Variants in PPFIA2 observed in about 807,000 individuals in gnomAD.
The protein encoded by PPFIA2 is PPFI scaffold protein A2.
PPFIA2 carries 46 observed loss-of-function variants against 175.5 expected under a neutral mutation model. The ratio of observed to expected loss-of-function variants is 0.26; its 90% CI spans 0.21 to 0.34. PPFIA2 has a LOEUF of 0.34. Ranked by LOEUF, PPFIA2 falls within the 10% of genes least tolerant of loss-of-function variation. The probability of loss-of-function intolerance (pLI) is 1.00; values close to 1 mark genes in which losing one functional copy is unlikely to be tolerated. For synonymous variants in PPFIA2, 568 were observed against 511.4 expected, an observed-to-expected ratio of 1.11 and a Z score of -1.49; for missense variants, 1,179 against 1,506.1, an observed-to-expected ratio of 0.78 and a Z score of 3.60.
intron 13 of PPFIA2, among the ~76,000 whole-genome samples, 189 bp from the exon 14 acceptor site, chr12:81,367,359 A>C (rs1432188652): frequency 6.6e-6 from 1 of 151,694 alleles, no homozygotes; most frequent in Admixed American, 6.6e-5. Flanking sequence ...TAAAAAATAC[A>C]TAATTTAAAT....
At chr12:81,634,289 C>G (rs1321343443) in intron 4 of PPFIA2, among the ~76,000 whole-genome samples, 1 of 151,902 alleles carries the variant, frequency 6.6e-6, no homozygotes, top group Non-Finnish European at 1.5e-5. Context: ...CATTCTTTCT[C>G]GAAATGTTCC....
chr12:81,654,612 A>G lies in PPFIA2; in HGVS notation c.303+22179T>C, dbSNP rs538833312. 2.0e-5 allele frequency among the ~76,000 whole-genome samples: 3 copies of G among 152,174 alleles called. No homozygotes were observed. In the East Asian group the frequency reaches 5.8e-4, roughly 29 times the overall value. Reference sequence around the variant, plus strand: ...ATTCTGTGTATTGCTTCATTTAATTAACTAATTATAAAATAAACATGAGCT... The same window carrying G: ...ATTCTGTGTATTGCTTCATTTAATTGACTAATTATAAAATAAACATGAGCT... On this transcript the variant is annotated intron_variant, in intron 4 of 32. Transcript: ENST00000549396.
intron 3 of PPFIA2, among the ~76,000 whole-genome samples, chr12:81,722,574 G>A (rs931956026): frequency 1.3e-5 from 2 of 150,988 alleles, no homozygotes; most frequent in African/African-American, 4.8e-5. Context: ...AGGAGAGATA[G>A]GAGATAGGAA....
At chr12:81,442,211 G>A (rs1190099431) in intron 6 of PPFIA2, among the ~76,000 whole-genome samples, 1 of 151,854 alleles carries the variant, frequency 6.6e-6, no homozygotes, top group Non-Finnish European at 1.5e-5. Context: ...AGATTATGTT[G>A]TCCACGAAGT....
chr12:81,347,405 A>G (rs183495630), intron 18 of PPFIA2, 128 bp downstream of exon 18: 247 of 843,072 alleles, frequency 2.9e-4, no homozygotes, highest in Non-Finnish European at 1.6e-4. Flanking sequence ...GATGTTGTGA[A>G]TAAGAAAATA....
intron 4 of PPFIA2, among the ~76,000 whole-genome samples, chr12:81,632,852 G>A (rs1028951518): frequency 6.6e-6 from 1 of 152,078 alleles, no homozygotes; most frequent in Non-Finnish European, 1.5e-5. Flanking sequence ...ACTCTGAGCT[G>A]CTGTACTCTT....
In PPFIA2 at chr12:81,384,123, G is replaced by T. The variant is rs750441871; in HGVS notation, c.884C>A (p.Ser295Tyr). The change falls in exon 9 of 33, where the codon TCT becomes TAT. Residue 295 changes from serine to tyrosine, a missense_variant. By Grantham distance (144) the Ser-to-Tyr change is moderately radical. This residue lies in a region of PPFIA2 where 226 missense variants were observed against 216.6 expected (regional missense o/e 1.04). Coordinates refer to ENST00000549396, the MANE Select transcript of PPFIA2 (RefSeq NM_003625.5). ...AQMKERLAAL[S>Y]SRVGEVEQEA... ...CTGTTCCACCTCTCCCACTCGGGAAGAAAGGGCTGCTAAACGTTCTTTCAT... is the reference window on the plus strand; with the variant it reads ...CTGTTCCACCTCTCCCACTCGGGAATAAAGGGCTGCTAAACGTTCTTTCAT... 1.9e-6 allele frequency: 3 copies of T among 1,613,076 alleles called. No individual in the cohort carries two copies. The highest frequency in any genetic ancestry group is 1.7e-6 in the Non-Finnish European group (2 of 1,179,494).
chr12:81,591,747 C>T (rs1705548785), intron 4 of PPFIA2, among the ~76,000 whole-genome samples: 1 of 152,132 alleles, frequency 6.6e-6, no homozygotes, highest in Non-Finnish European at 1.5e-5. Flanking sequence ...AGGTTTGGGA[C>T]CTTCTGCCTA....
chr12:81,284,143 AC>A, intron 25 of PPFIA2, 97 bp downstream of exon 25: 3 of 909,804 alleles, frequency 3.3e-6, no homozygotes, highest in Non-Finnish European at 5.2e-6. Flanking sequence ...ATAAAAACAC[AC>A]CCTATTACTC....
chr12:81,502,852 C>A (rs904413846), intron 4 of PPFIA2, among the ~76,000 whole-genome samples: 8 of 152,078 alleles, frequency 5.3e-5, no homozygotes, highest in African/African-American at 1.7e-4. Flanking sequence ...TAAATAATAT[C>A]TAAGATCTAG....
chr12:81,713,166 G>C (rs2078168372), intron 3 of PPFIA2, among the ~76,000 whole-genome samples: 1 of 150,960 alleles, frequency 6.6e-6, no homozygotes, highest in African/African-American at 2.4e-5. Context: ...TAATAATACA[G>C]CTTTTTTGGG....
intron 4 of PPFIA2, among the ~76,000 whole-genome samples, chr12:81,647,072 G>T (rs2153526433): frequency 6.6e-6 from 1 of 151,628 alleles, no homozygotes; most frequent in Non-Finnish European, 1.5e-5. Context: ...AAAAGGGGGG[G>T]GGAGCGTGTA....
At chr12:81,633,754 C>T (rs1436047062) in intron 4 of PPFIA2, among the ~76,000 whole-genome samples, 1 of 151,876 alleles carries the variant, frequency 6.6e-6, no homozygotes, top group Non-Finnish European at 1.5e-5. Context: ...GAATATTAGA[C>T]AAGATAGGAG....
At chr12:81,605,363 AAG>A (rs769860686) in intron 4 of PPFIA2, among the ~76,000 whole-genome samples, 2 of 151,680 alleles carry the variant, frequency 1.3e-5, no homozygotes, top group African/African-American at 2.4e-5. Flanking sequence ...ATAGTGGTGA[AAG>A]AGAGAGACAG....
At chr12:81,526,363 T>C (rs1024262886) in intron 4 of PPFIA2, among the ~76,000 whole-genome samples, 1 of 152,164 alleles carries the variant, frequency 6.6e-6, no homozygotes, top group African/African-American at 2.4e-5. Flanking sequence ...ATGGAAATAA[T>C]ATCATGAACT....
At position 81,440,060 on chromosome 12, in the gene PPFIA2, CA is replaced by C. The variant is rs774502319; in HGVS notation, c.571-15del. ...TCGCTCCCTTACCTAGAAGAAAAAT[CA>C]AAATATGTGCAGTAATGTACATCCC... On this transcript the variant is annotated splice_polypyrimidine_tract_variant and intron_variant, in intron 6 of 32. Transcript: ENST00000549396. 1.3e-6 allele frequency: 2 copies of C among 1,582,140 alleles called. No homozygotes were observed. The highest frequency in any genetic ancestry group is 1.7e-6 in the Non-Finnish European group (2 of 1,163,206).
At chr12:81,622,055 A>G (rs1319098299) in intron 4 of PPFIA2, among the ~76,000 whole-genome samples, 1 of 152,194 alleles carries the variant, frequency 6.6e-6, no homozygotes, top group Non-Finnish European at 1.5e-5. Flanking sequence ...GGGGCCAGTA[A>G]GCATTAGACA....
chr12:81,619,592 T>A (rs2061796754), intron 4 of PPFIA2, among the ~76,000 whole-genome samples: 1 of 152,194 alleles, frequency 6.6e-6, no homozygotes, highest in Non-Finnish European at 1.5e-5. Flanking sequence ...TCATTATTTT[T>A]GCAAACAAAA....
intron 4 of PPFIA2, among the ~76,000 whole-genome samples, chr12:81,657,657 T>C (rs908987505): frequency 3.9e-5 from 6 of 152,182 alleles, no homozygotes; most frequent in Non-Finnish European, 8.8e-5. Flanking sequence ...TCTAAATAAA[T>C]TTGGCAATTA....
Sources: gnomAD v4.1 joint callset for allele counts (sites outside exome capture counted in the v4.1 genomes callset) on GRCh38, gnomAD v4.1.1 for gene constraint, gnomAD v4.1.1 regional missense constraint, MANE v1.5 for transcripts, NCBI Gene and HGNC (gene_info 2026-07-23, HGNC 2026-07-21) for gene names.